The following COL24A1 variants were observed in gnomAD, a reference collection of about 807,000 sequenced individuals.
COL24A1 encodes the protein collagen alpha-1(XXIV) chain.
In COL24A1, 224 loss-of-function variants were observed where a neutral mutation model predicts 253.9. The ratio of observed to expected loss-of-function variants is 0.88; its 90% confidence interval spans 0.79 to 0.99. The LOEUF (loss-of-function observed/expected upper bound fraction) is 0.99. COL24A1 is among the 50% of genes least tolerant of loss of function. COL24A1 has a pLI of 0.00. For synonymous variants in COL24A1, 685 were observed against 673.7 expected (o/e 1.02, Z -0.26); for missense variants, 2,131 against 2,068.5 (o/e 1.03, Z -0.59).
intron 11 of COL24A1, 88 bp downstream of exon 11, chr1:86,050,036 C>CT: frequency 8.8e-7 from 1 of 1,139,322 alleles, no homozygotes; most frequent in Non-Finnish European, 1.3e-6. Context: ...AGTAAGATTA[C>CT]TTCCCTGACA....
chr1:85,829,105 T>G (rs1158934932), intron 43 of COL24A1, among the ~76,000 whole-genome samples: 2 of 150,704 alleles, frequency 1.3e-5, no homozygotes, highest in African/African-American at 4.9e-5. Flanking sequence ...AGGAGCTCTT[T>G]TAGGGCAGGC....
intron 7 of COL24A1, among the ~76,000 whole-genome samples, chr1:86,082,871 T>G (rs759279211): frequency 1.3e-5 from 2 of 151,928 alleles, no homozygotes; most frequent in Non-Finnish European, 2.9e-5. Context: ...CTCCCAAATC[T>G]GAAAATCTGA....
chr1:85,765,118 A>G (rs1227897083), intron 53 of COL24A1, among the ~76,000 whole-genome samples: 2 of 152,242 alleles, frequency 1.3e-5, no homozygotes, highest in Non-Finnish European at 2.9e-5. Flanking sequence ...GTTAATATTT[A>G]GGACCTATTT....
chr1:86,045,983 T>C (rs1394423506), intron 12 of COL24A1: 1 of 315,702 alleles, frequency 3.2e-6, no homozygotes, highest in African/African-American at 2.2e-5. Context: ...TTACCACTTT[T>C]AACTATCTGA....
intron 20 of COL24A1, among the ~76,000 whole-genome samples, chr1:85,976,561 A>C (rs1400769182): frequency 6.6e-6 from 1 of 152,124 alleles, no homozygotes; most frequent in Non-Finnish European, 1.5e-5. Context: ...CCTAGTAGCC[A>C]ATCACAAAAG....
chr1:85,965,687 G>C (rs990974168), intron 22 of COL24A1, among the ~76,000 whole-genome samples: 2 of 152,084 alleles, frequency 1.3e-5, no homozygotes, highest in African/African-American at 4.8e-5. Context: ...TTTCCTGGGG[G>C]AGTTGGCAGT....
chr1:85,834,110 G>T (rs1675709299), intron 43 of COL24A1, among the ~76,000 whole-genome samples: 1 of 151,594 alleles, frequency 6.6e-6, no homozygotes, highest in Non-Finnish European at 1.5e-5. Context: ...AAAACTTAAA[G>T]TATAATAATA....
chr1:85,862,262 CA>C (rs1312278626), intron 37 of COL24A1, among the ~76,000 whole-genome samples: 1 of 152,120 alleles, frequency 6.6e-6, no homozygotes, highest in Non-Finnish European at 1.5e-5. Flanking sequence ...TAATGTTTAG[CA>C]GAGTTCTTGG....
chr1:85,782,001 AT>A (rs1669193524), intron 51 of COL24A1, among the ~76,000 whole-genome samples: 1 of 152,216 alleles, frequency 6.6e-6, no homozygotes, highest in African/African-American at 2.4e-5. Context: ...AAAATAACTA[AT>A]ATATTTATAG....
At chr1:85,884,001 C>T (rs534913428) in intron 32 of COL24A1, among the ~76,000 whole-genome samples, 1 of 152,048 alleles carries the variant, frequency 6.6e-6, no homozygotes, top group African/African-American at 2.4e-5. Context: ...TTATTTATTC[C>T]TTCGCCAACA....
chr1:85,731,548 A>G (rs17128152), intron 59 of COL24A1, among the ~76,000 whole-genome samples: 6,009 of 152,316 alleles, frequency 0.039, 200 homozygotes, highest in East Asian at 0.15. Context: ...GCACTGTTAG[A>G]TTCATTCATT....
chr1:86,032,009 C>A, intron 13 of COL24A1, 87 bp from the exon 14 acceptor site: 1 of 1,033,780 alleles, frequency 9.7e-7, no homozygotes, highest in Non-Finnish European at 1.5e-6. Flanking sequence ...AACTTTCTAG[C>A]TAAGAATACA....
At chr1:85,869,703 A>T (rs7534374) in intron 35 of COL24A1, among the ~76,000 whole-genome samples, 1 of 152,168 alleles carries the variant, frequency 6.6e-6, no homozygotes, top group Non-Finnish European at 1.5e-5. Context: ...GGAAGCACTA[A>T]ACACGGAAAG....
At chr1:86,036,300 T>A (rs544135420) in intron 12 of COL24A1, among the ~76,000 whole-genome samples, 1 of 152,220 alleles carries the variant, frequency 6.6e-6, no homozygotes, top group East Asian at 1.9e-4. Context: ...TGTGTATTGT[T>A]TCTCTTCTCA....
chr1:86,120,385 C>T (rs1706623623), intron 3 of COL24A1, among the ~76,000 whole-genome samples: 1 of 152,186 alleles, frequency 6.6e-6, no homozygotes, highest in Non-Finnish European at 1.5e-5. Context: ...TTTTTGCAAT[C>T]TACTCATCTG....
chr1:86,007,370 G>T (rs1370813618), intron 19 of COL24A1, among the ~76,000 whole-genome samples: 1 of 152,150 alleles, frequency 6.6e-6, no homozygotes, highest in Non-Finnish European at 1.5e-5. Flanking sequence ...TTCATTGCCA[G>T]TTGGAATGCA....
intron 53 of COL24A1, among the ~76,000 whole-genome samples, chr1:85,771,467 T>C (rs137922266): frequency 3.9e-5 from 6 of 152,276 alleles, no homozygotes; most frequent in African/African-American, 1.4e-4. Context: ...TTCGATGGTG[T>C]ATATGTGCCA....
intron 3 of COL24A1, 51 bp from the exon 4 acceptor site, chr1:86,115,429 T>C (rs1706049680): frequency 1.3e-6 from 2 of 1,529,088 alleles, no homozygotes; most frequent in African/African-American, 2.7e-5. Flanking sequence ...CACATTTATT[T>C]TCTTACGAGT....
chr1:85,763,683 T>C (rs1047862148), intron 53 of COL24A1, among the ~76,000 whole-genome samples: 16 of 151,636 alleles, frequency 1.1e-4, no homozygotes, highest in Admixed American at 1.0e-3. Context: ...TTAGTAGACA[T>C]GGGGTTTCAT....
Sources: gnomAD v4.1 joint callset for allele counts (sites outside exome capture counted in the v4.1 genomes callset) on GRCh38, gnomAD v4.1.1 for gene constraint, MANE v1.5 for transcripts, NCBI Gene and HGNC (gene_info 2026-07-23, HGNC 2026-07-21) for gene names.